The following HTR1F variants were observed in gnomAD, a reference collection of about 807,000 sequenced individuals.
HTR1F encodes the protein 5-hydroxytryptamine (serotonin) receptor 1F, G protein-coupled.
HTR1F carries 17 observed loss-of-function variants against 24.0 expected under a neutral mutation model. The ratio of observed to expected loss-of-function variants is 0.71; its 90% CI spans 0.48 to 1.06. The LOEUF (loss-of-function observed/expected upper bound fraction) is 1.06, where lower values mean the gene tolerates loss of function less well. HTR1F is among the 50% of genes least tolerant of loss of function. The pLI is 0.00. For missense variants in HTR1F, 391 were observed against 427.8 expected (o/e 0.91, Z 0.76); for synonymous variants, 186 against 156.8 (o/e 1.19, Z -1.39).
At chr3:87,856,776 A>C (rs1705207820) in intron 2 of HTR1F, among the ~76,000 whole-genome samples, 1 of 152,144 alleles carries the variant, frequency 6.6e-6, no homozygotes, top group African/African-American at 2.4e-5. Flanking sequence ...CATTCAGACA[A>C]ATCTTGTATT....
intron 2 of HTR1F, among the ~76,000 whole-genome samples, chr3:87,958,915 G>T (rs573477296): frequency 1.3e-5 from 2 of 151,490 alleles, no homozygotes. Flanking sequence ...CCATGCATTT[G>T]GTACTCCATC....
chr3:87,848,236 C>A (rs559418929), intron 2 of HTR1F, among the ~76,000 whole-genome samples: 1 of 151,630 alleles, frequency 6.6e-6, no homozygotes, highest in Non-Finnish European at 1.5e-5. Flanking sequence ...TAGCTCATTG[C>A]GGTTTTGATT....
At chr3:87,967,355 C>G (rs1267138488) in intron 2 of HTR1F, among the ~76,000 whole-genome samples, 2 of 151,966 alleles carry the variant, frequency 1.3e-5, no homozygotes, top group African/African-American at 4.8e-5. Flanking sequence ...GAGGCTGAGG[C>G]AGGAGAATCA....
At chr3:87,875,664 C>T (rs1705653573) in intron 2 of HTR1F, among the ~76,000 whole-genome samples, 3 of 151,830 alleles carry the variant, frequency 2.0e-5, no homozygotes, top group African/African-American at 7.3e-5. Flanking sequence ...GTGGCTCACA[C>T]CTGTAATCTC....
Position 87,991,624 on chromosome 3 carries a change from C to T in HTR1F, c.875C>T (p.Ala292Val). 1 of 1,613,826 alleles carries T rather than the reference C, an allele frequency of 6.2e-7. No individual in the cohort carries two copies. Among genetic ancestry groups the T allele is most frequent in the Non-Finnish European group, 8.5e-7 (1 of 1,179,908 alleles). Residue 292 changes from alanine to valine, a missense_variant, in exon 3 of 3, where the codon GCC becomes GTC. Transcript: ENST00000319595. ...TCAGGTACAAGAGAACGGAAAGCAGCCACTACCCTGGGATTAATCTTGGGT... is the reference window on the plus strand; with the variant it reads ...TCAGGTACAAGAGAACGGAAAGCAGTCACTACCCTGGGATTAATCTTGGGT... ...KISGTRERKA[A>V]TTLGLILGAF...
At chr3:87,909,248 T>C (rs1703726512) in intron 2 of HTR1F, among the ~76,000 whole-genome samples, 2 of 152,022 alleles carry the variant, frequency 1.3e-5, no homozygotes, top group Admixed American at 1.3e-4. Context: ...ATGTTGAACA[T>C]GTACAGTGAG....
At chr3:87,936,182 C>T (rs1704411515) in intron 2 of HTR1F, among the ~76,000 whole-genome samples, 1 of 152,100 alleles carries the variant, frequency 6.6e-6, no homozygotes. Context: ...TTGCTGATGC[C>T]TTCAGTCTAT....
chr3:87,799,741 A>T (rs760739780), intron 1 of HTR1F, among the ~76,000 whole-genome samples: 4 of 152,184 alleles, frequency 2.6e-5, no homozygotes, highest in Non-Finnish European at 5.9e-5. Flanking sequence ...CACCAGTAGG[A>T]TACATCCTGG....
intron 1 of HTR1F, among the ~76,000 whole-genome samples, chr3:87,813,747 T>G (rs1042634959): frequency 1.1e-4 from 16 of 152,190 alleles, no homozygotes; most frequent in Non-Finnish European, 1.8e-4. Flanking sequence ...CCCCATGCTG[T>G]TCACATGATA....
intron 2 of HTR1F, among the ~76,000 whole-genome samples, chr3:87,903,804 T>C (rs577269174): frequency 1.3e-5 from 2 of 152,352 alleles, no homozygotes; most frequent in Admixed American, 1.3e-4. Flanking sequence ...TAAATCATGC[T>C]GCTATAAAGA....
chr3:87,804,296 G>C (rs1238637640), intron 1 of HTR1F, among the ~76,000 whole-genome samples: 1 of 151,934 alleles, frequency 6.6e-6, no homozygotes, highest in Non-Finnish European at 1.5e-5. Context: ...TAAAAGCTAG[G>C]CTTGGTGGTG....
At chr3:87,888,591 AC>A (rs1206099965) in intron 2 of HTR1F, among the ~76,000 whole-genome samples, 7 of 152,182 alleles carry the variant, frequency 4.6e-5, no homozygotes, top group African/African-American at 1.4e-4. Context: ...ATCTGATGTC[AC>A]AAATGTTTAT....
intron 2 of HTR1F, among the ~76,000 whole-genome samples, chr3:87,829,225 A>G (rs1306926763): frequency 6.6e-6 from 1 of 152,130 alleles, no homozygotes; most frequent in African/African-American, 2.4e-5. Context: ...GCTGCACCTC[A>G]GTTTGGTCTC....
Position 87,868,910 on chromosome 3 carries a change from C to G in HTR1F, c.-43+46786C>G, listed in dbSNP as rs1349130588. Among the ~76,000 whole-genome samples the G allele has an allele frequency of 1.7e-4, 26 of 151,408 alleles. 1 individual carries two copies. Among genetic ancestry groups the G allele is most frequent in the Non-Finnish European group, 1.5e-5 (1 of 67,818 alleles). On this transcript the variant is annotated intron_variant, in intron 2 of 2. Coordinates refer to ENST00000319595, the MANE Select transcript of HTR1F (RefSeq NM_001322209.2). ...CTTGACTTTTTAAATTATTGGTAATCCATGAAAAATAATAAATATAAGATG... is the reference window on the plus strand; with the variant it reads ...CTTGACTTTTTAAATTATTGGTAATGCATGAAAAATAATAAATATAAGATG...
intron 2 of HTR1F, among the ~76,000 whole-genome samples, chr3:87,903,818 A>C (rs1703588966): frequency 1.3e-5 from 2 of 152,228 alleles, no homozygotes; most frequent in Non-Finnish European, 2.9e-5. Context: ...ATAAAGATGC[A>C]TGCACACATA....
chr3:87,820,214 T>C (rs1249006316), intron 1 of HTR1F, among the ~76,000 whole-genome samples: 1 of 146,772 alleles, frequency 6.8e-6, no homozygotes, highest in Non-Finnish European at 1.5e-5. Context: ...TCTCGCTCTG[T>C]CGCCCAGGCT....
intron 2 of HTR1F, among the ~76,000 whole-genome samples, chr3:87,857,781 G>T (rs1705227611): frequency 6.6e-6 from 1 of 152,096 alleles, no homozygotes; most frequent in Non-Finnish European, 1.5e-5. Flanking sequence ...TTCACTCTTG[G>T]TGTTGTACGT....
intron 2 of HTR1F, chr3:87,910,321 T>C (rs545038229): frequency 6.6e-6 from 1 of 151,912 alleles, no homozygotes; most frequent in Non-Finnish European, 1.5e-5. Context: ...GCCACCTATT[T>C]TGTGGCATCT....
At chr3:87,863,421 A>G (rs1705359353) in intron 2 of HTR1F, among the ~76,000 whole-genome samples, 1 of 152,222 alleles carries the variant, frequency 6.6e-6, no homozygotes. Flanking sequence ...AGAAATCAGA[A>G]CCCAGTTTTG....
Sources: gnomAD v4.1 joint callset for allele counts (sites outside exome capture counted in the v4.1 genomes callset) on GRCh38, gnomAD v4.1.1 for gene constraint, MANE v1.5 for transcripts, NCBI Gene and HGNC (gene_info 2026-07-23, HGNC 2026-07-21) for gene names.